DLG1: variants seen among roughly 807,000 people sequenced by gnomAD.
The protein encoded by DLG1 is discs large MAGUK scaffold protein 1.
A neutral mutation model predicts 123.4 loss-of-function variants in DLG1; 42 were observed. The observed-to-expected ratio is 0.34, with a 90% CI of 0.27 to 0.44. The LOEUF is 0.44. Ranked by LOEUF, DLG1 falls within the 20% of genes least tolerant of loss-of-function variation. The probability of loss-of-function intolerance (pLI) is 1.00; values close to 1 mark genes in which losing one functional copy is unlikely to be tolerated. For synonymous variants in DLG1, 317 were observed against 356.2 expected (o/e 0.89, Z 1.24); for missense variants, 942 against 1,082.6 (o/e 0.87, Z 1.82).
At chr3:197,142,871 G>C in intron 6 of DLG1, 103 bp from the exon 7 acceptor site, 1 of 800,478 alleles carries the variant, frequency 1.2e-6, no homozygotes, top group South Asian at 1.7e-5. Flanking sequence ...TGTTGAATGC[G>C]ACAGTAATCA....
intron 5 of DLG1, among the ~76,000 whole-genome samples, chr3:197,183,232 T>C (rs1228861620): frequency 6.6e-6 from 1 of 152,178 alleles, no homozygotes; most frequent in Non-Finnish European, 1.5e-5. Flanking sequence ...AAATCAGCAT[T>C]TTCTTTGGTC....
At chr3:197,172,223 C>T (rs1190235318) in intron 5 of DLG1, among the ~76,000 whole-genome samples, 8 of 152,106 alleles carry the variant, frequency 5.3e-5, no homozygotes, top group South Asian at 2.1e-4. Context: ...TTTGTGGTGA[C>T]GCTGGCGTAA....
At chr3:197,127,518 G>GT (rs1464423810) in intron 11 of DLG1, among the ~76,000 whole-genome samples, 2 of 97,862 alleles carry the variant, frequency 2.0e-5, no homozygotes, top group African/African-American at 7.9e-5. Flanking sequence ...CTAAAAATAC[G>GT]TAAGTACTTT....
chr3:197,072,109 T>C (rs1354209169), intron 18 of DLG1, among the ~76,000 whole-genome samples: 1 of 152,224 alleles, frequency 6.6e-6, no homozygotes, highest in Non-Finnish European at 1.5e-5. Flanking sequence ...TAAATATGAT[T>C]TTTGATGGTT....
At chr3:197,288,964 G>A (rs1008038130) in intron 3 of DLG1, among the ~76,000 whole-genome samples, 10 of 151,850 alleles carry the variant, frequency 6.6e-5, no homozygotes, top group African/African-American at 2.4e-4. Context: ...AAATGAGAAG[G>A]AAGAAGATTC....
At chr3:197,162,903 A>G (rs1365644056) in intron 5 of DLG1, among the ~76,000 whole-genome samples, 1 of 152,230 alleles carries the variant, frequency 6.6e-6, no homozygotes, top group African/African-American at 2.4e-5. Flanking sequence ...TTACCAAGCA[A>G]GTGAAAAGAC....
intron 23 of DLG1, among the ~76,000 whole-genome samples, chr3:197,059,553 C>T (rs1734314617): frequency 1.3e-5 from 2 of 150,254 alleles, no homozygotes; most frequent in Admixed American, 1.3e-4. Flanking sequence ...TTTTTTGTCC[C>T]CTGAAAGTAT....
intron 1 of DLG1, chr3:197,297,949 T>G: frequency 6.1e-6 from 6 of 978,536 alleles, no homozygotes; most frequent in Non-Finnish European, 7.3e-6. Context: ...GGGGAGGAGC[T>G]CCCCTGGGCC....
chr3:197,169,627 A>G (rs1803122745), intron 5 of DLG1, among the ~76,000 whole-genome samples: 1 of 152,236 alleles, frequency 6.6e-6, no homozygotes, highest in African/African-American at 2.4e-5. Flanking sequence ...ATAGCATAAG[A>G]TGCAACTCCA....
At chr3:197,090,581 G>A (rs187091879) in intron 15 of DLG1, among the ~76,000 whole-genome samples, 9 of 152,068 alleles carry the variant, frequency 5.9e-5, no homozygotes, top group African/African-American at 2.2e-4. Flanking sequence ...AAAGGACAGA[G>A]GTTAAATCTA....
At chr3:197,257,179 TAATACAACCTAC>T (rs1757269136) in intron 4 of DLG1, among the ~76,000 whole-genome samples, 1 of 151,988 alleles carries the variant, frequency 6.6e-6, no homozygotes, top group African/African-American at 2.4e-5. Flanking sequence ...CATACAATTT[TAATACAACCTAC>T]AAGTGAAAGT....
intron 5 of DLG1, among the ~76,000 whole-genome samples, chr3:197,186,430 T>C (rs2150182406): frequency 6.6e-6 from 1 of 152,352 alleles, no homozygotes; most frequent in African/African-American, 2.4e-5. Context: ...CATCTTAATA[T>C]GATATACAAA....
At chr3:197,051,450 AGGCT>A (rs1727658637) in intron 24 of DLG1, 123 bp downstream of exon 24, 1 of 681,668 alleles carries the variant, frequency 1.5e-6, no homozygotes, top group South Asian at 1.9e-5. Context: ...ACCACTGCCT[AGGCT>A]GGATGATACT....
intron 4 of DLG1, among the ~76,000 whole-genome samples, chr3:197,204,763 T>C (rs1346163567): frequency 6.6e-6 from 1 of 152,178 alleles, no homozygotes; most frequent in Non-Finnish European, 1.5e-5. Context: ...TGATTTAAAA[T>C]ACAGGAGGAT....
At chr3:197,231,599 G>A (rs984570279) in intron 4 of DLG1, among the ~76,000 whole-genome samples, 1 of 151,870 alleles carries the variant, frequency 6.6e-6, no homozygotes, top group Non-Finnish European at 1.5e-5. Context: ...TACTCGGGGG[G>A]CTGAGGTGGG....
intron 5 of DLG1, among the ~76,000 whole-genome samples, chr3:197,172,093 G>A (rs978206787): frequency 7.4e-4 from 112 of 151,774 alleles, no homozygotes; most frequent in African/African-American, 2.6e-3. Flanking sequence ...ACACTCATAC[G>A]TCACATATCA....
chr3:197,100,156 AATG>A (rs1386748749), intron 14 of DLG1, among the ~76,000 whole-genome samples: 1 of 152,204 alleles, frequency 6.6e-6, no homozygotes, highest in Non-Finnish European at 1.5e-5. Flanking sequence ...TACTACTGAA[AATG>A]ATAAGAAATG....
chr3:197,061,575 GAC>G (rs1205079705), intron 22 of DLG1, among the ~76,000 whole-genome samples: 3 of 118,566 alleles, frequency 2.5e-5, no homozygotes, highest in Non-Finnish European at 5.3e-5. Flanking sequence ...CCGTCAATCT[GAC>G]ACAGTTCCTC....
In DLG1 at chr3:197,118,934, T is replaced by A. The variant is rs1178619383; in HGVS notation, c.1286+476A>T. Among the ~76,000 whole-genome samples the A allele has an allele frequency of 2.0e-5, 3 of 152,018 alleles. No individual in the cohort carries two copies. The East Asian group carries it at 5.8e-4, about 29-fold the overall frequency. On this transcript the variant is annotated intron_variant, in intron 12 of 24. Transcript: ENST00000667157. ...CGGGAGGATAGCTTGAGTCTAGGAG[T>A]TGGAGGCTGCAGTGATGTACGTTCA...
Sources: allele counts gnomAD v4.1 joint callset (sites outside exome capture counted in the v4.1 genomes callset), GRCh38; gene constraint gnomAD v4.1.1; transcripts MANE v1.5; gene names NCBI Gene and HGNC (gene_info 2026-07-23, HGNC 2026-07-21).